SCUBE3: variants seen among roughly 807,000 people sequenced by gnomAD.
The protein encoded by SCUBE3 is signal peptide, CUB and EGF-like domain-containing protein 3.
Under a neutral mutation model 116.8 loss-of-function variants are expected in SCUBE3, and 33 were observed. That is an observed-to-expected ratio of 0.28 (90% confidence interval 0.21 to 0.38). SCUBE3 has a LOEUF of 0.38. Ranked by LOEUF, SCUBE3 falls within the 10% of genes least tolerant of loss-of-function variation. The pLI is 1.00. For missense variants in SCUBE3, 1,007 were observed against 1,324.8 expected (o/e 0.76, Z 3.72); for synonymous variants, 418 against 496.9 (o/e 0.84, Z 2.11).
intron 21 of SCUBE3, 43 bp downstream of exon 21, chr6:35,246,328 C>A: frequency 2.1e-6 from 3 of 1,397,530 alleles, no homozygotes; most frequent in Non-Finnish European, 3.1e-6. Flanking sequence ...ATTTAATAAG[C>A]ATGTAACAAT....
At position 35,214,326 on chromosome 6, in the gene SCUBE3, C is replaced by T. The variant is rs1782796547; in HGVS notation, c.-93C>T. ...CTGGCCCCGGCGGGGCGCCCCCTCC[C>T]CTCCCCCTCCTGCGAGCTGGGATCC... On this transcript the variant is annotated 5_prime_UTR_variant, in exon 1 of 22. Transcript: ENST00000274938. The surrounding 1 kb of genome is among the most constrained non-coding windows in gnomAD (Gnocchi z 6.3). 1 of 739,758 alleles carries T rather than the reference C, an allele frequency of 1.4e-6. No individual in the cohort carries two copies. Among genetic ancestry groups the T allele is most frequent in the African/African-American group, 1.9e-5 (1 of 53,976 alleles). 45.8% of individuals were successfully genotyped at this position (739,758 alleles called of 1,614,324 possible).
At chr6:35,218,257 A>G (rs368739321) in intron 1 of SCUBE3, 2 of 477,246 alleles carry the variant, frequency 4.2e-6, no homozygotes, top group East Asian at 3.1e-4. Context: ...TGCATGACTC[A>G]GGGTGTGTGT....
rs1782822705 is a variant in SCUBE3 at position 35,214,850 on chromosome 6, T to G, written c.85+347T>G. 6.6e-6 allele frequency among the ~76,000 whole-genome samples: 1 copy of G among 152,192 alleles called. No individual in the cohort carries two copies. The highest frequency in any genetic ancestry group is 6.5e-5 in the Admixed American group (1 of 15,292). ...GAGAATTTTCTCTTCTCTCAAACAT[T>G]GCCAGAAACTTACGCTGTGGCCTGG... On this transcript the variant is annotated intron_variant, in intron 1 of 21. Transcript: ENST00000274938. This position sits in a 1 kb window ranked among gnomAD's most constrained non-coding sequence, Gnocchi z 6.3.
At chr6:35,226,795 TAACC>T (rs577088366) in intron 1 of SCUBE3, among the ~76,000 whole-genome samples, 175 of 152,300 alleles carry the variant, frequency 1.1e-3, no homozygotes, top group Non-Finnish European at 1.8e-3. Flanking sequence ...TGTCCTTTCC[TAACC>T]ATCCTCTTTT....
At position 35,245,302 on chromosome 6, in the gene SCUBE3, G is replaced by A. The variant is rs1248624106; in HGVS notation, c.2476G>A (p.Ala826Thr). The A allele has an allele frequency of 2.5e-6, 4 of 1,614,050 alleles. No individual in the cohort carries two copies. Among genetic ancestry groups the A allele is most frequent in the Non-Finnish European group, 3.4e-6 (4 of 1,180,024 alleles). Residue 826 changes from alanine (A) to threonine (T), a missense_variant, in exon 19 of 22, where the codon GCT (alanine) becomes ACT (threonine). Physicochemically the swap from Ala to Thr is moderately conservative, Grantham distance 58. Transcript: ENST00000274938. The surrounding 1 kb of genome is among the most constrained non-coding windows in gnomAD (Gnocchi z 4.2). ...ESPNYPGNYP[A>T]GVECIWNINP... is the part of the protein sequence containing the mutation. ...CCCCAACTACCCGGGCAACTACCCA[G>A]CTGGTGTGGAGTGCATCTGGAACAT...
chr6:35,225,474 CTGTCACGTTGGGA>C (rs754357769), intron 1 of SCUBE3, among the ~76,000 whole-genome samples: 10 of 152,250 alleles, frequency 6.6e-5, no homozygotes, highest in Non-Finnish European at 1.3e-4. Context: ...CTTTTCCATT[CTGTCACGTTGGGA>C]TGACTTCCCA....
rs763439076 is a variant in SCUBE3 at position 35,241,247 on chromosome 6, G to T, written c.1176G>T (p.Trp392Cys). 4 of 1,598,224 alleles carry T rather than the reference G, an allele frequency of 2.5e-6. No homozygotes were observed. The highest frequency in any genetic ancestry group is 3.4e-6 in the Non-Finnish European group (4 of 1,167,594). ...TCPAGQGRLH[W>C]NGKDCTEPLK... ...CAGCAGGCCAGGGTCGGCTGCACTG[G>T]AATGGCAAAGATTGCACAGGTGGGC... The change falls in exon 10 of 22, where the codon TGG becomes TGT. Residue 392 changes from tryptophan to cysteine, a missense_variant. Around this residue, in one of 5 missense-constraint regions of SCUBE3, gnomAD observed 544 missense variants for 638.9 expected, o/e 0.85. Coordinates refer to ENST00000274938, the MANE Select transcript of SCUBE3 (RefSeq NM_152753.4). This position sits in a 1 kb window ranked among gnomAD's most constrained non-coding sequence, Gnocchi z 4.1.
Position 35,248,577 on chromosome 6 carries a change from T to A in SCUBE3, c.2854T>A (p.Phe952Ile). The part of the protein sequence containing the change: ...ILKDKKLIKA[F>I]FEVLAHPQNY... ...GCAGGACAAGAAGCTCATCAAGGCC[T>A]TCTTTGAGGTGCTAGCCCACCCCCA... The change falls in exon 22 of 22, where the codon TTC (phenylalanine) becomes ATC (isoleucine). Residue 952 changes from phenylalanine to isoleucine, a missense_variant. Around this residue, in one of 5 missense-constraint regions of SCUBE3, gnomAD observed 118 missense variants for 196.6 expected, o/e 0.60. Transcript: ENST00000274938. 1.2e-6 allele frequency: 2 copies of A among 1,614,154 alleles called. No homozygotes were observed. The highest frequency in any genetic ancestry group is 2.7e-5 in the African/African-American group (2 of 75,026).
At chr6:35,220,283 A>G (rs559860024) in intron 1 of SCUBE3, 2 of 152,378 alleles carry the variant, frequency 1.3e-5, no homozygotes, top group South Asian at 2.1e-4. Flanking sequence ...TTCCTGAGGT[A>G]TCCTCACTGG....
At chr6:35,248,084 G>T (rs767247627) in intron 21 of SCUBE3, among the ~76,000 whole-genome samples, 1 of 152,186 alleles carries the variant, frequency 6.6e-6, no homozygotes, top group Non-Finnish European at 1.5e-5. Context: ...AGAAACCAGA[G>T]AAGAGTTTCA....
In SCUBE3 at chr6:35,243,906, C is replaced by A; in HGVS notation, c.2072-57C>A. The A allele has an allele frequency of 1.3e-6, 2 of 1,571,614 alleles. No individual in the cohort carries two copies. The highest frequency in any genetic ancestry group is 2.3e-5 in the South Asian group (2 of 87,480). On this transcript the variant is annotated intron_variant, in intron 16 of 21. Coordinates refer to ENST00000274938, the MANE Select transcript of SCUBE3 (RefSeq NM_152753.4). The surrounding 1 kb of genome is among the most constrained non-coding windows in gnomAD (Gnocchi z 6.6). ...CCTTTGTCCCCTGAGATCGGGTGAC[C>A]CCATGGGGATGACTCAGGACCATCC...
At chr6:35,225,517 C>T (rs976280743) in intron 1 of SCUBE3, among the ~76,000 whole-genome samples, 2 of 152,210 alleles carry the variant, frequency 1.3e-5, no homozygotes, top group South Asian at 2.1e-4. Context: ...AGCAGGTAGA[C>T]ACCATGCCTA....
At position 35,228,790 on chromosome 6, in the gene SCUBE3, A is replaced by G; in HGVS notation, c.334+51A>G. 6.3e-7 allele frequency: 1 copy of G among 1,582,036 alleles called. No individual in the cohort carries two copies. The highest frequency in any genetic ancestry group is 2.2e-5 in the East Asian group (1 of 44,636). On this transcript the variant is annotated intron_variant, in intron 3 of 21. Coordinates refer to ENST00000274938, the MANE Select transcript of SCUBE3 (RefSeq NM_152753.4). The surrounding 1 kb of genome is among the most constrained non-coding windows in gnomAD (Gnocchi z 4.9). ...GGAGGGATGTCTTGTGGAGAAAGAGATCTTTTCAGCATTTCCTATTTCCCA... is the reference window on the plus strand; with the variant it reads ...GGAGGGATGTCTTGTGGAGAAAGAGGTCTTTTCAGCATTTCCTATTTCCCA...
chr6:35,248,630 C>T lies in SCUBE3; in HGVS notation c.2907C>T (p.His969=), dbSNP rs755094992. The part of the protein sequence containing the change: ...PQNYFKYTEK[H]KEMLPKSFIK... ...ACTACTTCAAGTACACAGAGAAACA[C>T]AAGGAGATGCTGCCAAAATCCTTCA... Residue 969 remains histidine (H), a synonymous_variant, in exon 22 of 22, where the codon CAC becomes CAT. Coordinates refer to ENST00000274938, the MANE Select transcript of SCUBE3 (RefSeq NM_152753.4). The T allele has an allele frequency of 2.0e-5, 33 of 1,613,918 alleles. No homozygotes were observed. The highest frequency in any genetic ancestry group is 2.6e-5 in the Non-Finnish European group (31 of 1,179,948).
intron 1 of SCUBE3, chr6:35,218,179 AAG>A (rs1440291585): frequency 1.0e-6 from 1 of 983,748 alleles, no homozygotes; most frequent in Non-Finnish European, 1.2e-6. Context: ...GACCTGTTGT[AAG>A]AGGAGCCGGC....
intron 12 of SCUBE3, 110 bp downstream of exon 12, chr6:35,242,020 G>A (rs915220963): frequency 2.2e-6 from 2 of 922,538 alleles, no homozygotes; most frequent in African/African-American, 3.2e-5. Flanking sequence ...CCTCTTTTTT[G>A]CCCTGTAATT....
At position 35,243,385 on chromosome 6, in the gene SCUBE3, G is replaced by C; in HGVS notation, c.1909+149G>C. ...CGCTGTCCTCCCTTCCTTGGTTCCA[G>C]GCTGAAATCTAGAAGGATGCCAGGT... On this transcript the variant is annotated intron_variant, in intron 15 of 21. Transcript: ENST00000274938. The surrounding 1 kb of genome is among the most constrained non-coding windows in gnomAD (Gnocchi z 6.6). The C allele has an allele frequency of 1.1e-6, 1 of 887,868 alleles. No individual in the cohort carries two copies. The allele number at this position is 887,868 out of a possible 1,614,324, so 55.0% of individuals were successfully genotyped here. A position where few individuals can be genotyped will look rare whatever the true frequency, so the allele number is the denominator to read the frequency against.
chr6:35,222,825 A>G (rs1374952983), intron 1 of SCUBE3: 1 of 152,186 alleles, frequency 6.6e-6, no homozygotes, highest in Non-Finnish European at 1.5e-5. Flanking sequence ...CAGGCCTGAA[A>G]TGGGGCTTTG....
Position 35,248,824 on chromosome 6 carries a change from AT to A in SCUBE3, c.*120del, listed in dbSNP as rs1784453516. 5 of 761,998 alleles carry A rather than the reference AT, an allele frequency of 6.6e-6. No individual in the cohort carries two copies. Among genetic ancestry groups the A allele is most frequent in the Non-Finnish European group, 1.1e-5 (5 of 459,544 alleles). 47.2% of individuals were successfully genotyped at this position (761,998 alleles called of 1,614,324 possible). On this transcript the variant is annotated 3_prime_UTR_variant, in exon 22 of 22. Coordinates refer to ENST00000274938, the MANE Select transcript of SCUBE3 (RefSeq NM_152753.4). ...CTCTCTTTTTGGAGGGAAAAAAAAA[AT>A]ATCACTACACAAACCAGGCACTCTC...
Sources: allele counts gnomAD v4.1 joint callset (sites outside exome capture counted in the v4.1 genomes callset), GRCh38; gene constraint gnomAD v4.1.1; regional missense constraint gnomAD v4.1.1; non-coding constraint Gnocchi (gnomAD v3.1); transcripts MANE v1.5; gene names NCBI Gene and HGNC (gene_info 2026-07-23, HGNC 2026-07-21).